The following SMAD1 variants were observed in gnomAD, a reference collection of about 807,000 sequenced individuals.
SMAD1 encodes SMAD family member 1.
In SMAD1, 6 loss-of-function variants were observed where a neutral mutation model predicts 41.6. The observed-to-expected ratio is 0.14, with a 90% CI of 0.08 to 0.28. The LOEUF (loss-of-function observed/expected upper bound fraction) is 0.28. Ranked by LOEUF, SMAD1 falls within the 10% of genes least tolerant of loss-of-function variation. The pLI is 1.00. For missense variants in SMAD1, 379 were observed against 582.6 expected (o/e 0.65, Z 3.60); for synonymous variants, 206 against 203.2 (o/e 1.01, Z -0.12).
chr4:145,536,803 A>G (rs1731640030), intron 2 of SMAD1, among the ~76,000 whole-genome samples: 1 of 152,170 alleles, frequency 6.6e-6, no homozygotes, highest in South Asian at 2.1e-4. Flanking sequence ...AAAGATAGAG[A>G]CTGTCTACGG....
chr4:145,488,534 GA>G (rs920479037), intron 1 of SMAD1, among the ~76,000 whole-genome samples: 3 of 150,658 alleles, frequency 2.0e-5, no homozygotes, highest in Non-Finnish European at 4.4e-5. Context: ...ATGCAAAGTA[GA>G]AGTATTCCAG....
intron 5 of SMAD1, among the ~76,000 whole-genome samples, chr4:145,552,536 A>G (rs1732607898): frequency 1.3e-5 from 2 of 152,144 alleles, no homozygotes; most frequent in Non-Finnish European, 2.9e-5. Context: ...CTACACTTTA[A>G]GCACTCTGGG....
At chr4:145,546,980 C>T in intron 5 of SMAD1, 56 bp downstream of exon 5, 5 of 1,336,122 alleles carry the variant, frequency 3.7e-6, no homozygotes, top group Non-Finnish European at 4.3e-6. Context: ...CCTGTTCCTC[C>T]AGAGCTGACT....
At position 145,542,717 on chromosome 4, in the gene SMAD1, T is replaced by C. The variant is rs780904663; in HGVS notation, c.775+19T>C. 12 of 1,506,002 alleles carry C rather than the reference T, an allele frequency of 8.0e-6. No homozygotes were observed. In the South Asian group the frequency reaches 1.4e-4, roughly 17 times the overall value. 93.3% of individuals were successfully genotyped at this position (1,506,002 alleles called of 1,614,324 possible). On this transcript the variant is annotated intron_variant, in intron 4 of 6. Coordinates refer to ENST00000302085, the MANE Select transcript of SMAD1 (RefSeq NM_005900.3). ...AGAGGAGGTAAAACTAATTGCTGCC[T>C]GTTCCCTTTTTTAGAGTCTAAAGTT...
chr4:145,528,086 C>CACACACACAT (rs1337060727), intron 2 of SMAD1, among the ~76,000 whole-genome samples: 2 of 144,818 alleles, frequency 1.4e-5, no homozygotes, highest in Non-Finnish European at 3.0e-5. Context: ...CACACACACA[C>CACACACACAT]ACACACATAC....
chr4:145,533,825 A>G (rs1241120438), intron 2 of SMAD1, among the ~76,000 whole-genome samples: 1 of 152,236 alleles, frequency 6.6e-6, no homozygotes, highest in Non-Finnish European at 1.5e-5. Context: ...AATCTCATTG[A>G]AAATAGCAAC....
At chr4:145,511,232 C>G (rs984735445) in intron 1 of SMAD1, among the ~76,000 whole-genome samples, 1 of 152,030 alleles carries the variant, frequency 6.6e-6, no homozygotes, top group Non-Finnish European at 1.5e-5. Context: ...TTCTGTTTGT[C>G]TCATCTGTTG....
At chr4:145,557,760 A>G (rs751179785) in intron 6 of SMAD1, 31 bp from the exon 7 acceptor site, 2 of 1,572,884 alleles carry the variant, frequency 1.3e-6, no homozygotes, top group South Asian at 1.2e-5. Context: ...GAGTTAAACA[A>G]GTTAAATGAC....
At chr4:145,527,423 C>T (rs2126468973) in intron 2 of SMAD1, among the ~76,000 whole-genome samples, 1 of 152,128 alleles carries the variant, frequency 6.6e-6, no homozygotes, top group East Asian at 1.9e-4. Flanking sequence ...CGGGGTTTCA[C>T]CGTTTTAGCC....
At position 145,494,341 on chromosome 4, in the gene SMAD1, G is replaced by A. The variant is rs145181486; in HGVS notation, c.-177+12303G>A. 2.3e-3 allele frequency among the ~76,000 whole-genome samples: 344 copies of A among 152,300 alleles called. 1 individual carries two copies. The highest frequency in any genetic ancestry group is 3.8e-3 in the Non-Finnish European group (259 of 68,016). The stretch of plus-strand genomic sequence containing the variant: ...TCATAGTGTATCTCTTAGACAGCTT[G>A]ATAAAGTTGGGGGTAAGGAATTGTA... On this transcript the variant is annotated intron_variant, in intron 1 of 6. Transcript: ENST00000302085.
rs1728218630 is a variant in SMAD1 at position 145,482,219 on chromosome 4, C to A, written c.-177+181C>A. On this transcript the variant is annotated intron_variant, in intron 1 of 6. Coordinates refer to ENST00000302085, the MANE Select transcript of SMAD1 (RefSeq NM_005900.3). This position sits in a 1 kb window ranked among gnomAD's most constrained non-coding sequence, Gnocchi z 4.2. ...GGGGCTCTTTCTGCGCGGGGCGGGC[C>A]GCGACCCCCCCCCCCCATGATGGCG... is the stretch of plus-strand genomic sequence containing the variant. 7.2e-6 allele frequency among the ~76,000 whole-genome samples: 1 copy of A among 139,584 alleles called. No individual in the cohort carries two copies. Among genetic ancestry groups the A allele is most frequent in the Non-Finnish European group, 1.5e-5 (1 of 65,164 alleles). 91.6% of individuals were successfully genotyped at this position (139,584 alleles called of 152,430 possible).
rs1728254997 is a variant in SMAD1, at chr4:145,482,641, C to T, written c.-177+603C>T. The T allele has an allele frequency of 6.6e-6, 1 of 152,212 alleles. No homozygotes were observed. Among genetic ancestry groups the T allele is most frequent in the African/African-American group, 2.4e-5 (1 of 41,450 alleles). The allele number at this position is 152,212 out of a possible 1,614,324, so 9.4% of individuals were successfully genotyped here. On this transcript the variant is annotated intron_variant, in intron 1 of 6. Coordinates refer to ENST00000302085, the MANE Select transcript of SMAD1 (RefSeq NM_005900.3). The surrounding 1 kb of genome is among the most constrained non-coding windows in gnomAD (Gnocchi z 4.2). ...CCCGCACGGGTTTTCTTCTCGGCCC[C>T]AGCAAGCCTCTTTGGGGTCGAGGTC...
intron 1 of SMAD1, among the ~76,000 whole-genome samples, chr4:145,496,194 A>G (rs1019824884): frequency 2.0e-5 from 3 of 152,118 alleles, no homozygotes; most frequent in Non-Finnish European, 2.9e-5. Flanking sequence ...TAAATTAGAA[A>G]GGGATGGAAG....
chr4:145,552,669 G>A lies in SMAD1; in HGVS notation c.998-1115G>A, dbSNP rs139121083. Among the ~76,000 whole-genome samples, 869 of 152,028 alleles carry A rather than the reference G, an allele frequency of 5.7e-3. 7 individuals carry two copies. The highest frequency in any genetic ancestry group is 9.7e-3 in the Non-Finnish European group (658 of 68,008). On this transcript the variant is annotated intron_variant, in intron 5 of 6. Coordinates refer to ENST00000302085, the MANE Select transcript of SMAD1 (RefSeq NM_005900.3). The stretch of plus-strand genomic sequence containing the variant: ...TGGATCTTATATCTTACAGCTTTCG[G>A]CAATACTTCTTCCACCTGTGGCTTT...
At chr4:145,547,462 AAAAAT>A (rs1489863991) in intron 5 of SMAD1, among the ~76,000 whole-genome samples, 1 of 152,222 alleles carries the variant, frequency 6.6e-6, no homozygotes, top group East Asian at 1.9e-4. Flanking sequence ...TATAATAAGA[AAAAAT>A]AAAGACCAAA....
At chr4:145,487,829 G>A (rs1162939094) in intron 1 of SMAD1, among the ~76,000 whole-genome samples, 2 of 152,112 alleles carry the variant, frequency 1.3e-5, no homozygotes, top group African/African-American at 4.8e-5. Context: ...GAAATGAGCG[G>A]CTTCTCTAGA....
intron 1 of SMAD1, among the ~76,000 whole-genome samples, chr4:145,509,272 T>C (rs1301097957): frequency 2.0e-5 from 3 of 152,220 alleles, no homozygotes; most frequent in Non-Finnish European, 4.4e-5. Context: ...TCCCAATGGA[T>C]TGTGAGCTCC....
At chr4:145,530,335 A>G (rs149340382) in intron 2 of SMAD1, among the ~76,000 whole-genome samples, 246 of 152,354 alleles carry the variant, frequency 1.6e-3, no homozygotes, top group African/African-American at 5.5e-3. Flanking sequence ...GTGCAGAAGT[A>G]TGAAACTAGC....
At chr4:145,530,125 C>T (rs900963784) in intron 2 of SMAD1, among the ~76,000 whole-genome samples, 8 of 152,094 alleles carry the variant, frequency 5.3e-5, no homozygotes, top group Non-Finnish European at 1.2e-4. Context: ...TCAGTTCTAC[C>T]CACAAAGGCA....
Sources: gnomAD v4.1 joint callset for allele counts (sites outside exome capture counted in the v4.1 genomes callset) on GRCh38, gnomAD v4.1.1 for gene constraint, Gnocchi (gnomAD v3.1) non-coding constraint, MANE v1.5 for transcripts, NCBI Gene and HGNC (gene_info 2026-07-23, HGNC 2026-07-21) for gene names.